VPS45: variants seen among roughly 807,000 people sequenced by gnomAD.
VPS45 encodes vacuolar protein sorting-associated protein 45.
In VPS45, 35 loss-of-function variants were observed where a neutral mutation model predicts 75.9. The ratio of observed to expected loss-of-function variants is 0.46; its 90% CI spans 0.35 to 0.61. The LOEUF (loss-of-function observed/expected upper bound fraction) is 0.61. Ranked by LOEUF, VPS45 falls within the 20% of genes least tolerant of loss-of-function variation. The pLI is 0.00. For missense variants in VPS45, 559 were observed against 685.9 expected (o/e 0.81, Z 2.07); for synonymous variants, 220 against 238.2 (o/e 0.92, Z 0.70).
At chr1:150,115,210 CT>C in intron 14 of VPS45, among the ~76,000 whole-genome samples, 1 of 152,208 alleles carries the variant, frequency 6.6e-6, no homozygotes, top group Middle Eastern at 3.4e-3. Context: ...CTCTTAATCT[CT>C]CATTTATGTT....
chr1:150,087,144 C>G (rs1184644486), intron 10 of VPS45, among the ~76,000 whole-genome samples: 4 of 152,146 alleles, frequency 2.6e-5, no homozygotes, highest in Non-Finnish European at 5.9e-5. Context: ...GGAAGAATCT[C>G]TAAATATCAG....
chr1:150,093,439 T>C, intron 12 of VPS45, 88 bp from the exon 13 acceptor site: 2 of 1,445,494 alleles, frequency 1.4e-6, no homozygotes, highest in African/African-American at 1.4e-5. Flanking sequence ...CTCTATTGAG[T>C]GTATGTCCTT....
intron 14 of VPS45, among the ~76,000 whole-genome samples, chr1:150,136,788 AAAG>A (rs1659126019): frequency 6.6e-6 from 1 of 151,762 alleles, no homozygotes; most frequent in Admixed American, 6.6e-5. Flanking sequence ...AAAAAAAAAA[AAAG>A]GTGTACCACA....
At chr1:150,080,374 C>T (rs1284148342) in intron 7 of VPS45, among the ~76,000 whole-genome samples, 3 of 152,064 alleles carry the variant, frequency 2.0e-5, no homozygotes, top group East Asian at 3.9e-4. Flanking sequence ...GAACTCCCGA[C>T]CTTAAGTGAT....
At chr1:150,070,094 ACTT>A (rs1395880507) in intron 2 of VPS45, among the ~76,000 whole-genome samples, 38 of 152,052 alleles carry the variant, frequency 2.5e-4, no homozygotes, top group African/African-American at 9.2e-4. Context: ...CTGGAACTTA[ACTT>A]CTTCAAGTAA....
chr1:150,123,392 G>A (rs1559937376), intron 14 of VPS45, among the ~76,000 whole-genome samples: 1 of 152,136 alleles, frequency 6.6e-6, no homozygotes, highest in East Asian at 1.9e-4. Flanking sequence ...CCTGACTTAC[G>A]TTTTAGGAGG....
intron 10 of VPS45, among the ~76,000 whole-genome samples, chr1:150,088,437 AT>A: frequency 7.5e-6 from 1 of 132,916 alleles, no homozygotes; most frequent in Non-Finnish European, 1.6e-5. Context: ...AATAATAAAT[AT>A]ATATATATAT....
chr1:150,089,351 A>T lies in VPS45; in HGVS notation c.1105-2586A>T, dbSNP rs587698655. Among the ~76,000 whole-genome samples, 219 of 152,154 alleles carry T rather than the reference A, an allele frequency of 1.4e-3. 1 individual carries two copies. Among genetic ancestry groups the T allele is most frequent in the African/African-American group, 5.1e-3 (210 of 41,538 alleles). On this transcript the variant is annotated intron_variant, in intron 10 of 14. Transcript: ENST00000644510. ...TGGGATTTCTTTTCTTTTTAAAAAA[A>T]TTTTTTAAAATTTTTATTTATTTAT... is the stretch of plus-strand genomic sequence containing the variant.
intron 13 of VPS45, among the ~76,000 whole-genome samples, chr1:150,102,258 A>AAC (rs1317055791): frequency 1.3e-5 from 2 of 150,102 alleles, no homozygotes; most frequent in Non-Finnish European, 3.0e-5. Flanking sequence ...AAAAAAACAA[A>AAC]CACATGCATG....
At chr1:150,092,219 T>C in intron 11 of VPS45, 83 bp from the exon 12 acceptor site, 1 of 1,532,750 alleles carries the variant, frequency 6.5e-7, no homozygotes. Flanking sequence ...CTTTTCATTT[T>C]TGTTTCCTTA....
chr1:150,085,168 C>CA (rs1434664065), intron 10 of VPS45, among the ~76,000 whole-genome samples: 8 of 151,966 alleles, frequency 5.3e-5, no homozygotes, highest in Non-Finnish European at 1.0e-4. Context: ...ATATTTACCA[C>CA]AAAAAATGAG....
Position 150,069,668 on chromosome 1 carries a change from G to A in VPS45, c.228+904G>A, listed in dbSNP as rs587754535. Among the ~76,000 whole-genome samples, 113 of 152,124 alleles carry A rather than the reference G, an allele frequency of 7.4e-4. 2 individuals are homozygous for A. The highest frequency in any genetic ancestry group is 2.5e-3 in the African/African-American group (103 of 41,484). On this transcript the variant is annotated intron_variant, in intron 2 of 14. Coordinates refer to ENST00000644510, the MANE Select transcript of VPS45 (RefSeq NM_007259.5). ...AGACAGGGTTTCACTGTGTTAGCCAGGATGGTCTTGATCTCCTGACCTCAT... is the reference window on the plus strand; with the variant it reads ...AGACAGGGTTTCACTGTGTTAGCCAAGATGGTCTTGATCTCCTGACCTCAT...
At chr1:150,135,869 C>G (rs781800625) in intron 14 of VPS45, among the ~76,000 whole-genome samples, 1 of 151,276 alleles carries the variant, frequency 6.6e-6, no homozygotes, top group African/African-American at 2.4e-5. Flanking sequence ...GAACTCCTGA[C>G]CTCAGGTGAT....
intron 10 of VPS45, 123 bp downstream of exon 10, chr1:150,083,006 A>G: frequency 1.0e-6 from 1 of 954,336 alleles, no homozygotes; most frequent in South Asian, 1.9e-5. Flanking sequence ...AGCTGACATG[A>G]GAACACAAAT....
At chr1:150,142,974 A>G (rs1374003244) in intron 14 of VPS45, 1 of 333,158 alleles carries the variant, frequency 3.0e-6, no homozygotes, top group Non-Finnish European at 6.1e-6. Flanking sequence ...TTTATATTAT[A>G]AAGAAGGCTG....
intron 8 of VPS45, 79 bp downstream of exon 8, chr1:150,081,555 G>T: frequency 6.8e-7 from 1 of 1,477,264 alleles, no homozygotes; most frequent in Non-Finnish European, 9.2e-7. Flanking sequence ...TAGTATAGGG[G>T]CAGGCATGGG....
At chr1:150,093,680 C>A (rs782709042) in intron 13 of VPS45, 32 bp downstream of exon 13, 11 of 1,596,070 alleles carry the variant, frequency 6.9e-6, no homozygotes, top group Middle Eastern at 1.7e-4. Context: ...TAATAAAAGC[C>A]AGAAATACTG....
chr1:150,069,874 A>C (rs1166523433), intron 2 of VPS45, among the ~76,000 whole-genome samples: 1 of 152,124 alleles, frequency 6.6e-6, no homozygotes, highest in Non-Finnish European at 1.5e-5. Flanking sequence ...AAATCCTTGA[A>C]TGACTTCTCA....
At chr1:150,090,631 C>T (rs1336692221) in intron 10 of VPS45, among the ~76,000 whole-genome samples, 2 of 152,078 alleles carry the variant, frequency 1.3e-5, no homozygotes, top group African/African-American at 2.4e-5. Context: ...AAATCTCCAC[C>T]GGCATTTGCA....
Sources: allele counts gnomAD v4.1 joint callset (sites outside exome capture counted in the v4.1 genomes callset), GRCh38; gene constraint gnomAD v4.1.1; transcripts MANE v1.5; gene names NCBI Gene and HGNC (gene_info 2026-07-23, HGNC 2026-07-21).